Variants in SLC14A2 observed in about 807,000 individuals in gnomAD.
SLC14A2 encodes the protein solute carrier family 14 member 2, also known as urea transporter 2.
In SLC14A2, 91 loss-of-function variants were observed where a neutral mutation model predicts 104.6. The ratio of observed to expected loss-of-function variants is 0.87; its 90% CI spans 0.73 to 1.04. SLC14A2 has a LOEUF of 1.04. Among genes scored for constraint, SLC14A2 ranks in the 50% least tolerant of loss-of-function variants. The pLI is 0.00. For missense variants in SLC14A2, 1,189 were observed against 1,156.0 expected, an observed-to-expected ratio of 1.03 and a Z score of -0.41; for synonymous variants, 476 against 466.4, an observed-to-expected ratio of 1.02 and a Z score of -0.27.
At chr18:45,402,252 A>G (rs2086104353) in intron 1 of SLC14A2, among the ~76,000 whole-genome samples, 2 of 152,188 alleles carry the variant, frequency 1.3e-5, no homozygotes, top group African/African-American at 4.8e-5. Flanking sequence ...CCTGCAAAAA[A>G]AAGTTTCTCT....
At chr18:45,386,065 G>A (rs1490749261) in intron 1 of SLC14A2, among the ~76,000 whole-genome samples, 4 of 152,262 alleles carry the variant, frequency 2.6e-5, no homozygotes, top group South Asian at 2.1e-4. Context: ...GTTCAGAGAC[G>A]AGGGCTATGT....
intron 10 of SLC14A2, among the ~76,000 whole-genome samples, chr18:45,652,633 C>A (rs139818032): frequency 1.3e-5 from 2 of 152,200 alleles, no homozygotes; most frequent in African/African-American, 4.8e-5. Context: ...TTGAAGGAAG[C>A]CACGAGCATT....
the SLC14A2 span, among the ~76,000 whole-genome samples, chr18:45,201,808 G>A: frequency 6.6e-6 from 1 of 152,054 alleles, no homozygotes; most frequent in Non-Finnish European, 1.5e-5. Flanking sequence ...AGTTTCACAG[G>A]AATAGGGTGA....
chr18:45,236,998 T>C (rs1568114988), intron 1 of SLC14A2, among the ~76,000 whole-genome samples: 1 of 152,136 alleles, frequency 6.6e-6, no homozygotes, highest in Non-Finnish European at 1.5e-5. Context: ...CTGCTAGGCA[T>C]ATGAGTGTAA....
At chr18:45,608,185 C>T (rs4890558) in intron 2 of SLC14A2, among the ~76,000 whole-genome samples, 103,526 of 152,160 alleles carry the variant, frequency 0.68, 35,743 homozygotes, top group East Asian at 0.85. Flanking sequence ...GGATGTGCTA[C>T]AGAGAAATCG....
At chr18:45,435,788 T>C (rs1294179321) in intron 1 of SLC14A2, among the ~76,000 whole-genome samples, 3 of 152,204 alleles carry the variant, frequency 2.0e-5, no homozygotes, top group African/African-American at 7.2e-5. Flanking sequence ...AAGCAGAGTA[T>C]ACAAAACCAC....
At chr18:45,468,005 T>C (rs549778990) in intron 1 of SLC14A2, among the ~76,000 whole-genome samples, 1 of 151,968 alleles carries the variant, frequency 6.6e-6, no homozygotes, top group Non-Finnish European at 1.5e-5. Flanking sequence ...TCCCAGAGAA[T>C]CAAGGCAGGG....
intron 2 of SLC14A2, among the ~76,000 whole-genome samples, chr18:45,564,151 T>A (rs919724620): frequency 6.6e-6 from 1 of 152,198 alleles, no homozygotes; most frequent in African/African-American, 2.4e-5. Context: ...AGAAACAAGA[T>A]GAATGGTGCA....
Position 45,667,962 on chromosome 18 carries a change from TC to T in SLC14A2, c.1848del (p.Ser617GlnfsTer11). 2 of 1,614,114 alleles carry T rather than the reference TC, an allele frequency of 1.2e-6. No individual in the cohort carries two copies. Among genetic ancestry groups the T allele is most frequent in the Non-Finnish European group, 1.7e-6 (2 of 1,180,006 alleles). On this transcript the variant is annotated frameshift_variant, in exon 14 of 20. Transcript: ENST00000255226. LOFTEE classifies it high-confidence loss of function. ...TTCATCCAGAACCCCTGGTGGGCGA[TC>T]TCAGGCTGCCTGGGTACCATCATGT... ...GLFIQNPWWA[I>X]SGCLGTIMST... is the part of the protein sequence containing the mutation.
At chr18:45,271,526 T>A (rs2084650508) in intron 1 of SLC14A2, among the ~76,000 whole-genome samples, 1 of 151,894 alleles carries the variant, frequency 6.6e-6, no homozygotes, top group African/African-American at 2.4e-5. Context: ...CAGTGAACAA[T>A]CTGAAACACA....
intron 2 of SLC14A2, among the ~76,000 whole-genome samples, chr18:45,577,124 A>G (rs909568034): frequency 7.6e-6 from 1 of 131,734 alleles, no homozygotes; most frequent in Non-Finnish European, 1.7e-5. Flanking sequence ...TTGCATATGA[A>G]GGGCACCCTC....
intron 1 of SLC14A2, among the ~76,000 whole-genome samples, chr18:45,402,131 C>G (rs541959649): frequency 6.6e-6 from 1 of 152,210 alleles, no homozygotes; most frequent in South Asian, 2.1e-4. Flanking sequence ...CCCACAGTTC[C>G]TTTGGAGGTC....
intron 1 of SLC14A2, among the ~76,000 whole-genome samples, chr18:45,366,079 G>A (rs1012355936): frequency 1.3e-5 from 2 of 152,034 alleles, no homozygotes; most frequent in African/African-American, 4.8e-5. Flanking sequence ...CACCACTACA[G>A]TTTTTAGTTT....
At chr18:45,465,345 G>A (rs2087121481) in intron 1 of SLC14A2, among the ~76,000 whole-genome samples, 1 of 152,230 alleles carries the variant, frequency 6.6e-6, no homozygotes, top group Non-Finnish European at 1.5e-5. Flanking sequence ...TCCTCATGGA[G>A]CTGCACTGTT....
chr18:45,261,996 A>G (rs2084543853), intron 1 of SLC14A2, among the ~76,000 whole-genome samples: 1 of 152,150 alleles, frequency 6.6e-6, no homozygotes, highest in Admixed American at 6.6e-5. Context: ...GACTTCCACA[A>G]TGGTTGAACT....
chr18:45,391,293 T>C (rs2085960009), intron 1 of SLC14A2, among the ~76,000 whole-genome samples: 1 of 152,248 alleles, frequency 6.6e-6, no homozygotes, highest in African/African-American at 2.4e-5. Context: ...CCATGGTGTA[T>C]ATGTGCCACA....
At chr18:45,410,811 C>A (rs1003919296) in intron 1 of SLC14A2, among the ~76,000 whole-genome samples, 45 of 152,234 alleles carry the variant, frequency 3.0e-4, no homozygotes, top group African/African-American at 1.0e-3. Flanking sequence ...TGCCTTCTTG[C>A]ATTGGCAGAC....
chr18:45,577,110 TG>T (rs2044428002), intron 2 of SLC14A2, among the ~76,000 whole-genome samples: 1 of 152,118 alleles, frequency 6.6e-6, no homozygotes, highest in Non-Finnish European at 1.5e-5. Flanking sequence ...TCTGGTTATT[TG>T]GTTTGCATAT....
At chr18:45,538,815 G>A (rs1280450608) in intron 2 of SLC14A2, among the ~76,000 whole-genome samples, 1 of 148,072 alleles carries the variant, frequency 6.8e-6, no homozygotes, top group Admixed American at 6.7e-5. Flanking sequence ...GCCATGAGAT[G>A]AGAAGAAATG....
Sources: allele counts gnomAD v4.1 joint callset (sites outside exome capture counted in the v4.1 genomes callset), GRCh38; gene constraint gnomAD v4.1.1; transcripts MANE v1.5; gene names NCBI Gene and HGNC (gene_info 2026-07-23, HGNC 2026-07-21).